The following KCNQ5 variants were observed in gnomAD, a reference collection of about 807,000 sequenced individuals.
The protein encoded by KCNQ5 is potassium voltage-gated channel subfamily Q member 5.
Under a neutral mutation model 98.2 loss-of-function variants are expected in KCNQ5, and 30 were observed. That is an observed-to-expected ratio of 0.31 (90% CI 0.23 to 0.41). The LOEUF is 0.41. KCNQ5 is among the 10% of genes least tolerant of loss of function. The probability of loss-of-function intolerance (pLI) is 1.00; values close to 1 mark genes in which losing one functional copy is unlikely to be tolerated. For missense variants in KCNQ5, 835 were observed against 1,182.5 expected (o/e 0.71, Z 4.31); for synonymous variants, 458 against 449.4 (o/e 1.02, Z -0.24).
intron 7 of KCNQ5, among the ~76,000 whole-genome samples, chr6:73,111,768 C>T (rs977775058): frequency 6.6e-6 from 1 of 152,034 alleles, no homozygotes; most frequent in African/African-American, 2.4e-5. Context: ...GGCATTGTTC[C>T]CTGCATTCCA....
At chr6:73,112,843 A>G (rs1261860197) in intron 7 of KCNQ5, among the ~76,000 whole-genome samples, 1 of 152,138 alleles carries the variant, frequency 6.6e-6, no homozygotes, top group East Asian at 1.9e-4. Context: ...TAATCATTAA[A>G]TGAGGATATT....
chr6:72,886,108 A>T (rs1416324166), intron 1 of KCNQ5, among the ~76,000 whole-genome samples: 1 of 152,222 alleles, frequency 6.6e-6, no homozygotes, highest in African/African-American at 2.4e-5. Flanking sequence ...AGTGAGGGTC[A>T]GCAAAAGAAA....
At chr6:72,665,492 G>C (rs973171719) in intron 1 of KCNQ5, among the ~76,000 whole-genome samples, 1 of 152,042 alleles carries the variant, frequency 6.6e-6, no homozygotes, top group Non-Finnish European at 1.5e-5. Flanking sequence ...TTTCTGAAAA[G>C]AAAATCAAAA....
intron 1 of KCNQ5, among the ~76,000 whole-genome samples, chr6:72,998,531 C>G (rs573212946): frequency 5.5e-4 from 84 of 152,066 alleles, no homozygotes; most frequent in African/African-American, 2.0e-3. Context: ...GTCAGGAGAT[C>G]GAGACCATCC....
chr6:72,747,193 A>G (rs1367595483), intron 1 of KCNQ5, among the ~76,000 whole-genome samples: 1 of 152,186 alleles, frequency 6.6e-6, no homozygotes, highest in African/African-American at 2.4e-5. Flanking sequence ...TAGAAATCCT[A>G]GATTAATTTT....
intron 1 of KCNQ5, among the ~76,000 whole-genome samples, chr6:72,998,650 T>C (rs1425568016): frequency 6.6e-6 from 1 of 151,360 alleles, no homozygotes; most frequent in East Asian, 1.9e-4. Flanking sequence ...GGCAGGAGAA[T>C]GGCGTGAACC....
Position 73,116,381 on chromosome 6 carries a change from T to G in KCNQ5, c.1126-4102T>G, listed in dbSNP as rs186415672. On this transcript the variant is annotated intron_variant, in intron 7 of 13. Transcript: ENST00000370398. ...GCATAATCCTTAAAAATAAGCATTCTTGGCTGGACGCAAGTGGCTCATGCC... is the reference window on the plus strand; with the variant it reads ...GCATAATCCTTAAAAATAAGCATTCGTGGCTGGACGCAAGTGGCTCATGCC... 1.4e-3 allele frequency among the ~76,000 whole-genome samples: 208 copies of G among 152,292 alleles called. 1 individual carries two copies. Among genetic ancestry groups the G allele is most frequent in the Admixed American group, 2.2e-3 (33 of 15,290 alleles).
At chr6:72,811,900 A>G (rs1397626495) in intron 1 of KCNQ5, among the ~76,000 whole-genome samples, 2 of 152,176 alleles carry the variant, frequency 1.3e-5, no homozygotes, top group Non-Finnish European at 2.9e-5. Flanking sequence ...TTGGCTATTT[A>G]TAGGGTTATT....
chr6:72,924,722 GT>G (rs1780550266), intron 1 of KCNQ5, among the ~76,000 whole-genome samples: 10 of 152,110 alleles, frequency 6.6e-5, no homozygotes, highest in Admixed American at 6.6e-4. Context: ...CCCTTATGGG[GT>G]GAGCAACTGC....
At chr6:73,190,335 T>G (rs1428923857) in intron 11 of KCNQ5, among the ~76,000 whole-genome samples, 2 of 152,182 alleles carry the variant, frequency 1.3e-5, no homozygotes, top group Non-Finnish European at 2.9e-5. Context: ...GCAAAACACT[T>G]AGTGTTCAGC....
chr6:72,631,926 A>G (rs12190091), intron 1 of KCNQ5, among the ~76,000 whole-genome samples: 26,123 of 152,148 alleles, frequency 0.17, 2,529 homozygotes, highest in Middle Eastern at 0.25. Context: ...TAACCCTAAT[A>G]AGTAATATTA....
chr6:73,079,600 A>T (rs1239588450), intron 5 of KCNQ5, among the ~76,000 whole-genome samples: 1 of 152,180 alleles, frequency 6.6e-6, no homozygotes, highest in Non-Finnish European at 1.5e-5. Flanking sequence ...TAAAGATTCG[A>T]ATTTTTTTCT....
intron 1 of KCNQ5, among the ~76,000 whole-genome samples, chr6:72,743,276 T>C (rs1367145271): frequency 6.6e-6 from 1 of 151,672 alleles, no homozygotes; most frequent in East Asian, 1.9e-4. Flanking sequence ...TCACTGGTGC[T>C]GAATCAAAAT....
chr6:73,095,756 A>G (rs1774459325), intron 5 of KCNQ5, among the ~76,000 whole-genome samples: 1 of 152,158 alleles, frequency 6.6e-6, no homozygotes, highest in Non-Finnish European at 1.5e-5. Flanking sequence ...TTGTCTACAG[A>G]GTCCTGTGAT....
intron 1 of KCNQ5, among the ~76,000 whole-genome samples, chr6:72,834,585 C>T (rs1173921401): frequency 6.6e-6 from 1 of 152,098 alleles, no homozygotes; most frequent in African/African-American, 2.4e-5. Flanking sequence ...CATAAGCTAC[C>T]CTTGGATAAG....
At chr6:72,758,709 C>T (rs1222403206) in intron 1 of KCNQ5, among the ~76,000 whole-genome samples, 3 of 152,066 alleles carry the variant, frequency 2.0e-5, no homozygotes, top group African/African-American at 7.2e-5. Flanking sequence ...TTATTCAGTG[C>T]CTATAATCAT....
chr6:73,126,267 A>T (rs9359017), intron 9 of KCNQ5, among the ~76,000 whole-genome samples: 145,844 of 152,264 alleles, frequency 0.96, 69,844 homozygotes, highest in South Asian at 0.99. Flanking sequence ...CCCATCTTAG[A>T]TTCATCCTCC....
At chr6:72,953,787 A>C (rs1766916486) in intron 1 of KCNQ5, among the ~76,000 whole-genome samples, 1 of 152,214 alleles carries the variant, frequency 6.6e-6, no homozygotes, top group Non-Finnish European at 1.5e-5. Flanking sequence ...CAGAATTTTG[A>C]CTTTTAAAGA....
chr6:72,810,554 A>T (rs1040469604), intron 1 of KCNQ5, among the ~76,000 whole-genome samples: 4 of 152,216 alleles, frequency 2.6e-5, no homozygotes, highest in Non-Finnish European at 5.9e-5. Context: ...CAGCATTAGC[A>T]GGGAAACTTT....
Sources: allele counts gnomAD v4.1 joint callset (sites outside exome capture counted in the v4.1 genomes callset), GRCh38; gene constraint gnomAD v4.1.1; transcripts MANE v1.5; gene names NCBI Gene and HGNC (gene_info 2026-07-23, HGNC 2026-07-21).